Variants in RNASEH2A observed in about 807,000 individuals in gnomAD.
The protein encoded by RNASEH2A is RNase H(35).
Under a neutral mutation model 32.7 loss-of-function variants are expected in RNASEH2A, and 30 were observed. The observed-to-expected ratio is 0.92, with a 90% confidence interval of 0.69 to 1.25. The LOEUF (loss-of-function observed/expected upper bound fraction) is 1.25, where lower values mean the gene tolerates loss of function less well. Among genes scored for constraint, RNASEH2A ranks in the 50% most tolerant of loss-of-function variants. The pLI, the probability that RNASEH2A is intolerant of heterozygous loss-of-function variation, is 0.00. For missense variants in RNASEH2A, 409 were observed against 398.1 expected (o/e 1.03, Z -0.23); for synonymous variants, 147 against 165.4 (o/e 0.89, Z 0.86).
At chr19:12,811,339 G>T (rs1279445021) in intron 6 of RNASEH2A, among the ~76,000 whole-genome samples, 1 of 152,158 alleles carries the variant, frequency 6.6e-6, no homozygotes, top group Non-Finnish European at 1.5e-5. Context: ...ACCAGGCGTG[G>T]TGGCTCATGC....
rs1323923718 is a variant in RNASEH2A at position 12,813,536 on chromosome 19, TAG to T, written c.*71_*72del. 7.5e-6 allele frequency: 12 copies of T among 1,592,780 alleles called. No homozygotes were observed. Among genetic ancestry groups the T allele is most frequent in the Non-Finnish European group, 1.0e-5 (12 of 1,171,034 alleles). On this transcript the variant is annotated 3_prime_UTR_variant, in exon 8 of 8. Transcript: ENST00000221486. ...AAAATTGTTTAAGGAGAACCACACG[TAG>T]GGGATGTACTTTTGGGACAGAAGCA...
At chr19:12,810,831 A>G (rs1464455311) in intron 6 of RNASEH2A, among the ~76,000 whole-genome samples, 1 of 151,218 alleles carries the variant, frequency 6.6e-6, no homozygotes, top group Non-Finnish European at 1.5e-5. Context: ...TGCCCAGCCT[A>G]TTTTTTGTTT....
rs148346342 is a variant in RNASEH2A, at chr19:12,810,112, G to A, written c.453G>A (p.Ala151=). ...TAGGGATGCCAGAGACATACCAGGC[G>A]CGGCTGCAGCAAAGTTTTCCCGGGA... The part of the protein sequence containing the change: ...DTVGMPETYQ[A]RLQQSFPGIE... The change falls in exon 5 of 8, where the codon GCG becomes GCA. Residue 151 remains alanine (A), a synonymous_variant. Coordinates refer to ENST00000221486, the MANE Select transcript of RNASEH2A (RefSeq NM_006397.3). The A allele has an allele frequency of 8.4e-5, 136 of 1,614,086 alleles. No homozygotes were observed. Among genetic ancestry groups the A allele is most frequent in the Middle Eastern group, 1.6e-4 (1 of 6,084 alleles).
rs776737433 is a variant in RNASEH2A at position 12,813,047 on chromosome 19, C to T, written c.638-36C>T. 3.1e-6 allele frequency: 5 copies of T among 1,612,602 alleles called. No homozygotes were observed. In the African/African-American group the frequency reaches 6.7e-5, roughly 22 times the overall value. ...GGCAGGGAGCTTGAATGTTATGGTG[C>T]AACTTGGACTGTCACCATTGCCCAC... On this transcript the variant is annotated intron_variant, in intron 6 of 7. Transcript: ENST00000221486.
chr19:12,810,206 A>G lies in RNASEH2A; in HGVS notation c.547A>G (p.Lys183Glu). The change falls in exon 5 of 8, where the codon AAG becomes GAG. Residue 183 changes from lysine (K) to glutamate (E), a missense_variant and splice_region_variant. Physicochemically the swap from Lys to Glu is moderately conservative, Grantham distance 56. Coordinates refer to ENST00000221486, the MANE Select transcript of RNASEH2A (RefSeq NM_006397.3). Reference sequence around the variant, plus strand: ...GGTTAGTGCTGCCAGCATCTGTGCCAAGGTCAGTACCCTACTAGCCATGGC... The same window carrying G: ...GGTTAGTGCTGCCAGCATCTGTGCCGAGGTCAGTACCCTACTAGCCATGGC... ...PVVSAASICAKVARDQAVKKW... is the reference protein window; with the variant it reads ...PVVSAASICAEVARDQAVKKW... 1 of 1,614,234 alleles carries G rather than the reference A, an allele frequency of 6.2e-7. No individual in the cohort carries two copies. The highest frequency in any genetic ancestry group is 8.5e-7 in the Non-Finnish European group (1 of 1,180,038).
rs745764952 is a variant in RNASEH2A at position 12,813,432 on chromosome 19, T to G, written c.866T>G (p.Leu289Arg). 6.6e-5 allele frequency: 107 copies of G among 1,613,892 alleles called. No individual in the cohort carries two copies. The highest frequency in any genetic ancestry group is 8.8e-5 in the Non-Finnish European group (104 of 1,180,040). ...CCCCGTTCTTCCCACCGATATTTCC[T>G]GGAACGCGGCCTGGAGTCAGCAACC... ...ARPRSSHRYF[L>R]ERGLESATSL The change falls in exon 8 of 8, where the codon CTG becomes CGG. Residue 289 changes from leucine to arginine, a missense_variant. Leu to Arg is a moderately radical substitution (Grantham distance 102). Transcript: ENST00000221486.
chr19:12,813,375 C>G lies in RNASEH2A; in HGVS notation c.809C>G (p.Ser270Cys). ...ENQEGLRKIT[S>C]YFLNEGSQAR... ...CAGGAGGGACTCAGGAAGATCACAT[C>G]CTACTTCCTCAATGAAGGGTCCCAA... is the stretch of plus-strand genomic sequence containing the variant. The change falls in exon 8 of 8, where the codon TCC becomes TGC. Residue 270 changes from serine to cysteine, a missense_variant. By Grantham distance (112) the Ser-to-Cys change is moderately radical (BLOSUM62 -1). Transcript: ENST00000221486. The G allele has an allele frequency of 1.2e-6, 2 of 1,614,180 alleles. No homozygotes were observed. The highest frequency in any genetic ancestry group is 1.7e-6 in the Non-Finnish European group (2 of 1,180,026).
Position 12,806,599 on chromosome 19 carries a change from GC to G in RNASEH2A, c.-72del, listed in dbSNP as rs1163974145. The stretch of plus-strand genomic sequence containing the variant: ...GGCCGGAAGCAGGCGCCGCTTCGAG[GC>G]CCGCGGAAAACGCGCGCCGAGACCC... On this transcript the variant is annotated 5_prime_UTR_variant, in exon 1 of 8. Transcript: ENST00000221486. The G allele has an allele frequency of 1.9e-6, 3 of 1,545,854 alleles. No homozygotes were observed. Among genetic ancestry groups the G allele is most frequent in the Non-Finnish European group, 2.6e-6 (3 of 1,143,078 alleles).
Position 12,806,604 on chromosome 19 carries a change from C to T in RNASEH2A, c.-70C>T. On this transcript the variant is annotated 5_prime_UTR_variant, in exon 1 of 8. Transcript: ENST00000221486. ...GAAGCAGGCGCCGCTTCGAGGCCCG[C>T]GGAAAACGCGCGCCGAGACCCGCTC... 2 of 1,548,116 alleles carry T rather than the reference C, an allele frequency of 1.3e-6. No individual in the cohort carries two copies. The highest frequency in any genetic ancestry group is 1.2e-5 in the South Asian group (1 of 84,016).
Position 12,813,476 on chromosome 19 carries a change from C to T in RNASEH2A, c.*10C>T, listed in dbSNP as rs1305138040. On this transcript the variant is annotated 3_prime_UTR_variant, in exon 8 of 8. Coordinates refer to ENST00000221486, the MANE Select transcript of RNASEH2A (RefSeq NM_006397.3). ...AGCAACCAGCCTCTAGCAGCTGCCT[C>T]TACGCGCTCTACCTGCTTCCCCAAC... is the stretch of plus-strand genomic sequence containing the variant. The T allele has an allele frequency of 1.9e-6, 3 of 1,612,284 alleles. No individual in the cohort carries two copies. The highest frequency in any genetic ancestry group is 2.5e-6 in the Non-Finnish European group (3 of 1,180,030).
At chr19:12,811,778 G>C (rs561288268) in intron 6 of RNASEH2A, among the ~76,000 whole-genome samples, 151 of 152,046 alleles carry the variant, frequency 9.9e-4, no homozygotes, top group African/African-American at 3.6e-3. Flanking sequence ...TTAGCTGGAC[G>C]TGGTGGCACA....
chr19:12,807,629 G>C, intron 4 of RNASEH2A, 123 bp downstream of exon 4: 1 of 888,122 alleles, frequency 1.1e-6, no homozygotes, highest in South Asian at 1.4e-5. Context: ...GACAAAGGAA[G>C]CCCCCCAACT....
At chr19:12,807,369 C>G (rs759008737) in intron 3 of RNASEH2A, 40 bp downstream of exon 3, 1 of 1,614,156 alleles carries the variant, frequency 6.2e-7, no homozygotes, top group Non-Finnish European at 8.5e-7. Flanking sequence ...ATGGGCTGAC[C>G]AAGCTTTGTT....
In RNASEH2A at chr19:12,807,500, C is replaced by T. The variant is rs1164184621; in HGVS notation, c.405C>T (p.Val135=). ...IQYALDQGVN[V]TQVFVDTVGM... is the part of the protein sequence containing the mutation. ...ATGCATTGGACCAGGGCGTGAACGT[C>T]ACCCAGGTGAGTTAACTGTAAGTTG... The change falls in exon 4 of 8, where the codon GTC becomes GTT. Residue 135 remains valine, a synonymous_variant. Coordinates refer to ENST00000221486, the MANE Select transcript of RNASEH2A (RefSeq NM_006397.3). 8.7e-6 allele frequency: 14 copies of T among 1,613,574 alleles called. No homozygotes were observed. The highest frequency in any genetic ancestry group is 1.2e-5 in the Non-Finnish European group (14 of 1,179,566).
intron 4 of RNASEH2A, among the ~76,000 whole-genome samples, chr19:12,808,567 C>A (rs1969029512): frequency 6.6e-6 from 1 of 152,090 alleles, no homozygotes; most frequent in African/African-American, 2.4e-5. Context: ...CCCTCCTATC[C>A]CCTCCAATCT....
chr19:12,813,402 C>T lies in RNASEH2A; in HGVS notation c.836C>T (p.Ala279Val). ...TACTTCCTCAATGAAGGGTCCCAAG[C>T]CCGTCCCCGTTCTTCCCACCGATAT... ...TSYFLNEGSQ[A>V]RPRSSHRYFL... The change falls in exon 8 of 8, where the codon GCC becomes GTC. Residue 279 changes from alanine to valine, a missense_variant. Physicochemically the swap from Ala to Val is moderately conservative, Grantham distance 64. Coordinates refer to ENST00000221486, the MANE Select transcript of RNASEH2A (RefSeq NM_006397.3). 1 of 1,614,116 alleles carries T rather than the reference C, an allele frequency of 6.2e-7. No individual in the cohort carries two copies. Among genetic ancestry groups the T allele is most frequent in the Non-Finnish European group, 8.5e-7 (1 of 1,180,022 alleles).
rs369925877 is a variant in RNASEH2A at position 12,813,442 on chromosome 19, C to T, written c.876C>T (p.Gly292=). 1.2e-6 allele frequency: 2 copies of T among 1,613,828 alleles called. No homozygotes were observed. Among genetic ancestry groups the T allele is most frequent in the Non-Finnish European group, 1.7e-6 (2 of 1,180,034 alleles). Residue 292 remains glycine (G), a synonymous_variant, in exon 8 of 8, where the codon GGC becomes GGT. Transcript: ENST00000221486. ...RSSHRYFLER[G]LESATSL ...CCCACCGATATTTCCTGGAACGCGGCCTGGAGTCAGCAACCAGCCTCTAGC... is the reference window on the plus strand; with the variant it reads ...CCCACCGATATTTCCTGGAACGCGGTCTGGAGTCAGCAACCAGCCTCTAGC...
rs749477709 is a variant in RNASEH2A at position 12,807,509 on chromosome 19, G to C, written c.411+3G>C. ...ACCAGGGCGTGAACGTCACCCAGGTGAGTTAACTGTAAGTTGTCCCCATTT... is the reference window on the plus strand; with the variant it reads ...ACCAGGGCGTGAACGTCACCCAGGTCAGTTAACTGTAAGTTGTCCCCATTT... On this transcript the variant is annotated splice_donor_region_variant and intron_variant, in intron 4 of 7. Transcript: ENST00000221486. 10 of 1,612,550 alleles carry C rather than the reference G, an allele frequency of 6.2e-6. No homozygotes were observed. In the Admixed American group the frequency reaches 1.5e-4, roughly 24 times the overall value.
intron 4 of RNASEH2A, among the ~76,000 whole-genome samples, chr19:12,808,695 T>C (rs1367585098): frequency 6.6e-6 from 1 of 152,164 alleles, no homozygotes; most frequent in Non-Finnish European, 1.5e-5. Context: ...CAGAATTACA[T>C]TAAATTACCA....
Sources: gnomAD v4.1 joint callset for allele counts (sites outside exome capture counted in the v4.1 genomes callset) on GRCh38, gnomAD v4.1.1 for gene constraint, MANE v1.5 for transcripts, NCBI Gene and HGNC (gene_info 2026-07-23, HGNC 2026-07-21) for gene names.